Variants in ATP8B4 observed in about 807,000 individuals in gnomAD.
The protein encoded by ATP8B4 is ATPase phospholipid transporting 8B4 (putative).
ATP8B4 carries 133 observed loss-of-function variants against 145.6 expected under a neutral mutation model. The observed-to-expected ratio is 0.91, with a 90% confidence interval of 0.79 to 1.05. ATP8B4 has a LOEUF of 1.05. Among genes scored for constraint, ATP8B4 ranks in the 50% least tolerant of loss-of-function variants. The pLI, the probability that ATP8B4 is intolerant of heterozygous loss-of-function variation, is 0.00. For missense variants in ATP8B4, 1,458 were observed against 1,425.2 expected (o/e 1.02, Z -0.37); for synonymous variants, 507 against 492.9 (o/e 1.03, Z -0.38).
At chr15:50,173,439 T>A (rs1225364180) in intron 1 of ATP8B4, among the ~76,000 whole-genome samples, 1 of 151,760 alleles carries the variant, frequency 6.6e-6, no homozygotes, top group Non-Finnish European at 1.5e-5. Flanking sequence ...CCACTAAGGG[T>A]TAAATGGATT....
chr15:50,035,758 T>C (rs2050787270), intron 6 of ATP8B4, among the ~76,000 whole-genome samples: 1 of 152,054 alleles, frequency 6.6e-6, no homozygotes, highest in South Asian at 2.1e-4. Flanking sequence ...AGGACCCAGG[T>C]TTCCTGACTG....
Position 50,002,231 on chromosome 15 carries a change from C to A in ATP8B4, c.436-8G>T. 6.2e-7 allele frequency: 1 copy of A among 1,601,882 alleles called. No homozygotes were observed. Among genetic ancestry groups the A allele is most frequent in the South Asian group, 1.1e-5 (1 of 90,324 alleles). ...TAGGAGAAGTAAATCAGCCTATTTT[C>A]AAAAATCATAACAAAAGAATACTTG... On this transcript the variant is annotated splice_region_variant and splice_polypyrimidine_tract_variant and intron_variant, in intron 7 of 27. Coordinates refer to ENST00000284509, the MANE Select transcript of ATP8B4 (RefSeq NM_024837.4).
intron 1 of ATP8B4, among the ~76,000 whole-genome samples, chr15:50,171,978 C>A (rs2044680844): frequency 6.6e-6 from 1 of 152,152 alleles, no homozygotes; most frequent in Non-Finnish European, 1.5e-5. Flanking sequence ...GAGATGGATA[C>A]ATTCCTGGAA....
chr15:50,084,171 G>A (rs984643038), intron 2 of ATP8B4, among the ~76,000 whole-genome samples: 4 of 152,024 alleles, frequency 2.6e-5, no homozygotes, highest in East Asian at 1.9e-4. Flanking sequence ...TGGTGGAGGC[G>A]GTCTGCCATC....
Position 50,093,151 on chromosome 15 carries a change from C to T in ATP8B4, c.28+13788G>A, listed in dbSNP as rs1022251282. On this transcript the variant is annotated intron_variant, in intron 2 of 27. Coordinates refer to ENST00000284509, the MANE Select transcript of ATP8B4 (RefSeq NM_024837.4). ...AATCCAAAATAAATACTTTTTCTAACTGACAAAAAGTGATAGAATTCATTA... is the reference window on the plus strand; with the variant it reads ...AATCCAAAATAAATACTTTTTCTAATTGACAAAAAGTGATAGAATTCATTA... Among the ~76,000 whole-genome samples, 8 of 150,982 alleles carry T rather than the reference C, an allele frequency of 5.3e-5. 1 individual carries two copies. In the East Asian group the frequency reaches 1.6e-3, roughly 29 times the overall value.
chr15:50,178,447 G>A (rs1023247072), intron 1 of ATP8B4, among the ~76,000 whole-genome samples: 4 of 152,176 alleles, frequency 2.6e-5, no homozygotes, highest in Non-Finnish European at 4.4e-5. Flanking sequence ...TAAAAACCCA[G>A]ACAAAAGTTG....
intron 5 of ATP8B4, among the ~76,000 whole-genome samples, chr15:50,042,897 G>A (rs2051411888): frequency 1.3e-5 from 2 of 152,116 alleles, no homozygotes. Context: ...AGAACGAAGA[G>A]CCAATGGGCC....
chr15:50,172,438 A>T (rs1485412851), intron 1 of ATP8B4, among the ~76,000 whole-genome samples: 1 of 152,200 alleles, frequency 6.6e-6, no homozygotes, highest in Admixed American at 6.5e-5. Flanking sequence ...TCTCGCTCAC[A>T]CAGTGCTCAA....
chr15:49,945,576 A>G (rs1475840504), intron 14 of ATP8B4, among the ~76,000 whole-genome samples: 4 of 152,192 alleles, frequency 2.6e-5, no homozygotes, highest in Non-Finnish European at 5.9e-5. Flanking sequence ...ATATAAGCTG[A>G]TTACCCCAAT....
At chr15:50,107,053 T>C (rs1437962057) in intron 1 of ATP8B4, 45 bp from the exon 2 acceptor site, 5 of 1,300,060 alleles carry the variant, frequency 3.8e-6, no homozygotes, top group Non-Finnish European at 5.2e-6. Flanking sequence ...AAATGCACAA[T>C]AACTATAAAT....
chr15:49,896,250 T>C (rs371368725), intron 23 of ATP8B4: 2 of 152,206 alleles, frequency 1.3e-5, no homozygotes, highest in Admixed American at 6.5e-5. Flanking sequence ...GTTTAGGGCA[T>C]GTTATCCTAA....
chr15:49,977,386 A>G (rs1479895369), intron 12 of ATP8B4, among the ~76,000 whole-genome samples: 1 of 152,166 alleles, frequency 6.6e-6, no homozygotes, highest in East Asian at 1.9e-4. Flanking sequence ...CTTCATCAAT[A>G]TGCCTAACAA....
At chr15:50,172,223 C>T (rs533538519) in intron 1 of ATP8B4, among the ~76,000 whole-genome samples, 30 of 152,244 alleles carry the variant, frequency 2.0e-4, no homozygotes, top group African/African-American at 4.8e-4. Flanking sequence ...CCGCCATCTC[C>T]GCTCACTGCA....
At chr15:50,004,069 T>C (rs1402483692) in intron 7 of ATP8B4, among the ~76,000 whole-genome samples, 6 of 152,178 alleles carry the variant, frequency 3.9e-5, no homozygotes, top group African/African-American at 9.7e-5. Context: ...AGCTTTTTCT[T>C]TGATGTTCTC....
chr15:50,056,826 T>C (rs1476459377), intron 3 of ATP8B4, among the ~76,000 whole-genome samples: 1 of 151,872 alleles, frequency 6.6e-6, no homozygotes, highest in African/African-American at 2.4e-5. Flanking sequence ...CACATATAAA[T>C]ATTAACAGTA....
intron 6 of ATP8B4, chr15:50,019,036 A>G: frequency 1.2e-6 from 1 of 863,712 alleles, no homozygotes. Context: ...ACAAATCTTG[A>G]TCGGTCATTT....
intron 2 of ATP8B4, among the ~76,000 whole-genome samples, chr15:50,081,115 GAAAAAA>G (rs36059633): frequency 5.3e-5 from 7 of 131,326 alleles, no homozygotes; most frequent in African/African-American, 2.0e-4. Context: ...TACGTCTCAA[GAAAAAA>G]AAAAAAAAAG....
chr15:50,116,949 C>T (rs957950359), intron 1 of ATP8B4, among the ~76,000 whole-genome samples: 1 of 152,014 alleles, frequency 6.6e-6, no homozygotes, highest in Non-Finnish European at 1.5e-5. Context: ...TTTTTAATAT[C>T]TTTTCATGAG....
chr15:49,893,401 A>T (rs570991290), intron 23 of ATP8B4, among the ~76,000 whole-genome samples: 47 of 152,338 alleles, frequency 3.1e-4, no homozygotes, highest in African/African-American at 1.1e-3. Flanking sequence ...AAACAACCCA[A>T]ATGTCCATAG....
Sources: gnomAD v4.1 joint callset for allele counts (sites outside exome capture counted in the v4.1 genomes callset) on GRCh38, gnomAD v4.1.1 for gene constraint, MANE v1.5 for transcripts, NCBI Gene and HGNC (gene_info 2026-07-23, HGNC 2026-07-21) for gene names.